The following GPC6 variants were observed in gnomAD, a reference collection of about 807,000 sequenced individuals.
GPC6 encodes glypican 6.
A neutral mutation model predicts 55.2 loss-of-function variants in GPC6; 14 were observed. That is an observed-to-expected ratio of 0.25 (90% confidence interval 0.17 to 0.40). GPC6 has a LOEUF of 0.40. GPC6 is among the 10% of genes least tolerant of loss of function. The pLI, the probability that GPC6 is intolerant of heterozygous loss-of-function variation, is 1.00. For missense variants in GPC6, 641 were observed against 708.5 expected (o/e 0.90, Z 1.08); for synonymous variants, 278 against 259.6 (o/e 1.07, Z -0.68).
intron 4 of GPC6, among the ~76,000 whole-genome samples, chr13:94,201,878 G>A (rs1487439583): frequency 2.6e-5 from 4 of 152,168 alleles, no homozygotes; most frequent in African/African-American, 9.7e-5. Context: ...GAACCTGGGA[G>A]GTGGAGGTTG....
chr13:93,975,225 A>T lies in GPC6; in HGVS notation c.712-52504A>T, dbSNP rs539638794. Among the ~76,000 whole-genome samples the T allele has an allele frequency of 4.6e-5, 7 of 152,318 alleles. No homozygotes were observed. The South Asian group carries it at 1.4e-3, about 32-fold the overall frequency. On this transcript the variant is annotated intron_variant, in intron 3 of 8. Transcript: ENST00000377047. The stretch of plus-strand genomic sequence containing the variant: ...AATTTTAAAAGGTAACTGATACAAA[A>T]ATTTTTTTAATCTATATTTTTTAAA...
At chr13:93,754,086 T>C (rs9301906) in intron 2 of GPC6, among the ~76,000 whole-genome samples, 101,934 of 152,020 alleles carry the variant, frequency 0.67, 35,125 homozygotes, top group African/African-American at 0.81. Flanking sequence ...GCCAGCATGC[T>C]CTGTTTTATC....
chr13:93,794,733 A>T (rs1302823630), intron 2 of GPC6, among the ~76,000 whole-genome samples: 1 of 152,204 alleles, frequency 6.6e-6, no homozygotes, highest in Non-Finnish European at 1.5e-5. Context: ...CTTATAGTAG[A>T]AAGCTCACAA....
intron 1 of GPC6, among the ~76,000 whole-genome samples, chr13:93,269,307 T>C (rs1467509128): frequency 2.0e-5 from 3 of 152,192 alleles, no homozygotes; most frequent in African/African-American, 7.2e-5. Flanking sequence ...AATTTTGATA[T>C]ATTAAGACAG....
intron 4 of GPC6, among the ~76,000 whole-genome samples, chr13:94,137,002 G>C (rs1057366310): frequency 6.6e-6 from 1 of 152,180 alleles, no homozygotes; most frequent in African/African-American, 2.4e-5. Flanking sequence ...TGACTGATTG[G>C]ATTTGCGGGC....
intron 4 of GPC6, among the ~76,000 whole-genome samples, chr13:94,105,976 C>T (rs55645463): frequency 7.4e-6 from 1 of 135,866 alleles, no homozygotes; most frequent in East Asian, 2.3e-4. Flanking sequence ...CTCCCACGAC[C>T]AAGAGTTATC....
At chr13:94,106,749 T>C (rs1334016083) in intron 4 of GPC6, among the ~76,000 whole-genome samples, 3 of 152,092 alleles carry the variant, frequency 2.0e-5, no homozygotes, top group Non-Finnish European at 4.4e-5. Context: ...AAGATGACCT[T>C]TCTCAGTGAA....
At chr13:93,320,721 TG>T (rs1879409979) in intron 1 of GPC6, among the ~76,000 whole-genome samples, 1 of 152,094 alleles carries the variant, frequency 6.6e-6, no homozygotes, top group Non-Finnish European at 1.5e-5. Context: ...CACAGAATTA[TG>T]TAGTATAGCA....
intron 4 of GPC6, among the ~76,000 whole-genome samples, chr13:94,083,911 G>A (rs1249559071): frequency 6.6e-6 from 1 of 152,082 alleles, no homozygotes; most frequent in Non-Finnish European, 1.5e-5. Flanking sequence ...CAGAGCACAG[G>A]GCTATATAAT....
At chr13:93,307,730 A>G (rs1309567232) in intron 1 of GPC6, among the ~76,000 whole-genome samples, 1 of 152,114 alleles carries the variant, frequency 6.6e-6, no homozygotes, top group Non-Finnish European at 1.5e-5. Flanking sequence ...TTATAATAAT[A>G]CTTATTTTTA....
At chr13:94,043,115 A>T (rs529987199) in intron 4 of GPC6, among the ~76,000 whole-genome samples, 25 of 151,750 alleles carry the variant, frequency 1.6e-4, no homozygotes, top group Non-Finnish European at 2.9e-4. Context: ...CATTTTTACC[A>T]TTACAAGATA....
At chr13:93,614,697 C>T (rs1878642641) in intron 2 of GPC6, among the ~76,000 whole-genome samples, 1 of 151,956 alleles carries the variant, frequency 6.6e-6, no homozygotes, top group Non-Finnish European at 1.5e-5. Flanking sequence ...TGATATTTAT[C>T]TTTTATTTAT....
intron 1 of GPC6, among the ~76,000 whole-genome samples, chr13:93,404,706 C>T (rs1431479496): frequency 6.6e-6 from 1 of 152,082 alleles, no homozygotes; most frequent in African/African-American, 2.4e-5. Flanking sequence ...AATTGTCTTT[C>T]TTACGGAGGT....
intron 2 of GPC6, among the ~76,000 whole-genome samples, chr13:93,586,432 C>T (rs574938648): frequency 6.6e-6 from 1 of 152,154 alleles, no homozygotes; most frequent in African/African-American, 2.4e-5. Flanking sequence ...ACATGTGGAA[C>T]AGAACAGAGA....
At position 94,405,971 on chromosome 13, in the gene GPC6, A is replaced by T. The variant is rs1404793567; in HGVS notation, c.*2754A>T. On this transcript the variant is annotated 3_prime_UTR_variant, in exon 9 of 9. Transcript: ENST00000377047. ...TAAGTATTTTGGAATTCAACCCTCG[A>T]ATTATTTTTTCTCATTTCAGCATAG... 6.6e-6 allele frequency: 1 copy of T among 152,114 alleles called. No homozygotes were observed. The highest frequency in any genetic ancestry group is 1.5e-5 in the Non-Finnish European group (1 of 67,978). 9.4% of individuals were successfully genotyped at this position (152,114 alleles called of 1,614,324 possible).
chr13:93,513,642 C>T (rs1026641677), intron 1 of GPC6, among the ~76,000 whole-genome samples: 1 of 152,160 alleles, frequency 6.6e-6, no homozygotes, highest in Non-Finnish European at 1.5e-5. Context: ...ATAACTCCTC[C>T]TGCCCTTTTG....
rs1309577831 is a variant in GPC6, at chr13:93,227,169, C to T, written c.-288C>T. Reference sequence around the variant, plus strand: ...GGTGGTTTTTTAAACACTTCTTTTCCTTCTCTTCCTCGTTTTGATTGCACC... The same window carrying T: ...GGTGGTTTTTTAAACACTTCTTTTCTTTCTCTTCCTCGTTTTGATTGCACC... On this transcript the variant is annotated 5_prime_UTR_variant, in exon 1 of 9. Coordinates refer to ENST00000377047, the MANE Select transcript of GPC6 (RefSeq NM_005708.5). This position sits in a 1 kb window ranked among gnomAD's most constrained non-coding sequence, Gnocchi z 4.3. The T allele has an allele frequency of 3.2e-6, 1 of 311,402 alleles. No homozygotes were observed. The highest frequency in any genetic ancestry group is 4.8e-5 in the Admixed American group (1 of 20,772). The allele number at this position is 311,402 out of a possible 1,614,324, so 19.3% of individuals were successfully genotyped here. A position where few individuals can be genotyped will look rare whatever the true frequency, so the allele number is the denominator to read the frequency against.
intron 4 of GPC6, among the ~76,000 whole-genome samples, chr13:94,170,776 A>G (rs563749050): frequency 3.3e-4 from 51 of 152,328 alleles, no homozygotes; most frequent in Admixed American, 2.7e-3. Flanking sequence ...TTGCTTAGGT[A>G]GATTGTAACA....
At chr13:94,111,833 C>T (rs1886260615) in intron 4 of GPC6, among the ~76,000 whole-genome samples, 1 of 152,042 alleles carries the variant, frequency 6.6e-6, no homozygotes, top group South Asian at 2.1e-4. Context: ...TGTGAATTCC[C>T]TTTGAAAAAG....
Sources: gnomAD v4.1 joint callset for allele counts (sites outside exome capture counted in the v4.1 genomes callset) on GRCh38, gnomAD v4.1.1 for gene constraint, Gnocchi (gnomAD v3.1) non-coding constraint, MANE v1.5 for transcripts, NCBI Gene and HGNC (gene_info 2026-07-23, HGNC 2026-07-21) for gene names.